CNTNAP2: variants seen among roughly 807,000 people sequenced by gnomAD.
CNTNAP2 encodes the protein contactin-associated protein-like 2.
CNTNAP2 carries 98 observed loss-of-function variants against 155.2 expected under a neutral mutation model. That is an observed-to-expected ratio of 0.63 (90% CI 0.54 to 0.75). The LOEUF (loss-of-function observed/expected upper bound fraction) is 0.75. Among genes scored for constraint, CNTNAP2 ranks in the 30% least tolerant of loss-of-function variants. The pLI, the probability that CNTNAP2 is intolerant of heterozygous loss-of-function variation, is 0.00. For missense variants in CNTNAP2, 1,727 were observed against 1,688.1 expected (o/e 1.02, Z -0.40); for synonymous variants, 651 against 631.2 (o/e 1.03, Z -0.47).
intron 13 of CNTNAP2, among the ~76,000 whole-genome samples, chr7:147,859,651 T>C (rs888098975): frequency 1.3e-5 from 2 of 152,130 alleles, no homozygotes; most frequent in African/African-American, 4.8e-5. Context: ...ATTATGGGAG[T>C]CCCTGTGGTA....
At chr7:148,089,855 C>G (rs190291779) in intron 15 of CNTNAP2, among the ~76,000 whole-genome samples, 1 of 151,820 alleles carries the variant, frequency 6.6e-6, no homozygotes, top group Admixed American at 6.6e-5. Context: ...AGAGAGATAT[C>G]ACATGACCTG....
intron 14 of CNTNAP2, among the ~76,000 whole-genome samples, chr7:147,913,303 A>T (rs1200868564): frequency 6.6e-6 from 1 of 152,206 alleles, no homozygotes; most frequent in Non-Finnish European, 1.5e-5. Context: ...TTCCATTTTA[A>T]TTCCTGCCCC....
At chr7:146,146,831 A>C (rs1167769827) in intron 1 of CNTNAP2, among the ~76,000 whole-genome samples, 1 of 152,182 alleles carries the variant, frequency 6.6e-6, no homozygotes, top group African/African-American at 2.4e-5. Context: ...ATCTTGTTAT[A>C]TGCACTGTAG....
In CNTNAP2 at chr7:148,331,568, G is replaced by GTGGATGGATGGAA. The variant is rs1424332339; in HGVS notation, c.3476-52050_3476-52038dup. Among the ~76,000 whole-genome samples the GTGGATGGATGGAA allele has an allele frequency of 7.2e-4, 5 of 6,960 alleles. 1 individual carries two copies. The highest frequency in any genetic ancestry group is 3.1e-3 in the African/African-American group (5 of 1,632). 4.6% of individuals were successfully genotyped at this position (6,960 alleles called of 152,430 possible). A position where few individuals can be genotyped will look rare whatever the true frequency, so the allele number is the denominator to read the frequency against. On this transcript the variant is annotated intron_variant, in intron 21 of 23. Coordinates refer to ENST00000361727, the MANE Select transcript of CNTNAP2 (RefSeq NM_014141.6). ...TGGATGGATGGAATGGACGGATGGA[G>GTGGATGGATGGAA]TGGATGGATGGAATGGATGGATGGA...
rs1433419897 is a variant in CNTNAP2 at position 146,461,419 on chromosome 7, T to A, written c.98-312852T>A. Reference sequence around the variant, plus strand: ...GACTCCGTCTCAAAAAAAAAAAATATAATAATAATAATAATAATACCTTAA... The same window carrying A: ...GACTCCGTCTCAAAAAAAAAAAATAAAATAATAATAATAATAATACCTTAA... On this transcript the variant is annotated intron_variant, in intron 1 of 23. Coordinates refer to ENST00000361727, the MANE Select transcript of CNTNAP2 (RefSeq NM_014141.6). 2.7e-5 allele frequency among the ~76,000 whole-genome samples: 4 copies of A among 145,842 alleles called. No individual in the cohort carries two copies. The East Asian group carries it at 8.1e-4, about 29-fold the overall frequency.
chr7:148,113,533 A>G (rs1804401582), intron 15 of CNTNAP2, among the ~76,000 whole-genome samples: 1 of 152,186 alleles, frequency 6.6e-6, no homozygotes, highest in African/African-American at 2.4e-5. Context: ...CCAAATAATC[A>G]CTGGTCGGAT....
chr7:148,196,248 A>C (rs1288358076), intron 18 of CNTNAP2, among the ~76,000 whole-genome samples: 1 of 152,210 alleles, frequency 6.6e-6, no homozygotes, highest in Non-Finnish European at 1.5e-5. Context: ...GACTGTCAAG[A>C]CTCAGCATGG....
At chr7:146,405,588 G>T (rs554619017) in intron 1 of CNTNAP2, among the ~76,000 whole-genome samples, 1 of 152,054 alleles carries the variant, frequency 6.6e-6, no homozygotes, top group African/African-American at 2.4e-5. Flanking sequence ...AGAATTATAC[G>T]TACAGAGAGA....
intron 13 of CNTNAP2, among the ~76,000 whole-genome samples, chr7:147,765,389 AT>A (rs1348044182): frequency 6.6e-6 from 1 of 152,188 alleles, no homozygotes; most frequent in South Asian, 2.1e-4. Flanking sequence ...TCAATTAATC[AT>A]TGGGCAAGAG....
intron 8 of CNTNAP2, among the ~76,000 whole-genome samples, chr7:147,139,071 A>G (rs1584750240): frequency 6.6e-6 from 1 of 152,056 alleles, no homozygotes; most frequent in African/African-American, 2.4e-5. Flanking sequence ...AAAATAATAT[A>G]TGCATGTAGT....
At position 146,940,694 on chromosome 7, in the gene CNTNAP2, T is replaced by TAC. The variant is rs1164645688; in HGVS notation, c.402+100791_402+100792insCA. 1.1e-3 allele frequency among the ~76,000 whole-genome samples: 142 copies of TAC among 125,800 alleles called. 1 individual carries two copies. The highest frequency in any genetic ancestry group is 3.1e-3 in the African/African-American group (113 of 36,398). The allele number at this position is 125,800 out of a possible 152,430, so 82.5% of individuals were successfully genotyped here. A position where few individuals can be genotyped will look rare whatever the true frequency, so the allele number is the denominator to read the frequency against. On this transcript the variant is annotated intron_variant, in intron 3 of 23. Transcript: ENST00000361727. ...CACATTAGTGTAGTAAATATATATA[T>TAC]ATACACACACACACACACACACAAT... is the stretch of plus-strand genomic sequence containing the variant.
At chr7:146,972,245 A>G (rs1212242579) in intron 3 of CNTNAP2, among the ~76,000 whole-genome samples, 1 of 152,204 alleles carries the variant, frequency 6.6e-6, no homozygotes, top group Non-Finnish European at 1.5e-5. Flanking sequence ...ACTAACCTTT[A>G]TTAATGTATA....
chr7:147,917,549 T>C (rs1263161344), intron 14 of CNTNAP2, among the ~76,000 whole-genome samples: 1 of 152,208 alleles, frequency 6.6e-6, no homozygotes, highest in African/African-American at 2.4e-5. Flanking sequence ...TGCCTTTTCC[T>C]TCCAAGAATG....
chr7:148,019,403 A>G (rs1045356685), intron 15 of CNTNAP2, among the ~76,000 whole-genome samples: 4 of 152,064 alleles, frequency 2.6e-5, no homozygotes, highest in Middle Eastern at 3.2e-3. Flanking sequence ...TATCTTATTG[A>G]TTCTTCAGTT....
At chr7:147,597,747 G>A (rs780942975) in intron 12 of CNTNAP2, among the ~76,000 whole-genome samples, 6 of 152,130 alleles carry the variant, frequency 3.9e-5, no homozygotes. Flanking sequence ...AAAGCACTTG[G>A]GGCTGGTTGC....
intron 1 of CNTNAP2, among the ~76,000 whole-genome samples, chr7:146,600,472 C>T (rs954359904): frequency 1.3e-5 from 2 of 151,896 alleles, no homozygotes; most frequent in East Asian, 1.9e-4. Flanking sequence ...CTTTCATTTC[C>T]GATGCATTTT....
chr7:147,876,430 C>T (rs1305380703), intron 13 of CNTNAP2, among the ~76,000 whole-genome samples: 1 of 152,064 alleles, frequency 6.6e-6, no homozygotes, highest in Non-Finnish European at 1.5e-5. Flanking sequence ...ATGGGAACTT[C>T]GATTTGTGTG....
intron 13 of CNTNAP2, among the ~76,000 whole-genome samples, chr7:147,711,893 C>A (rs1262838605): frequency 1.3e-5 from 2 of 152,152 alleles, no homozygotes; most frequent in African/African-American, 4.8e-5. Context: ...AGTGAAAATA[C>A]TGCTTTTTTA....
chr7:146,184,831 T>C (rs772156535), intron 1 of CNTNAP2, among the ~76,000 whole-genome samples: 7 of 152,308 alleles, frequency 4.6e-5, no homozygotes, highest in Non-Finnish European at 7.3e-5. Flanking sequence ...ATGTAAATAC[T>C]CCCTAATTGC....
Sources: gnomAD v4.1 joint callset for allele counts (sites outside exome capture counted in the v4.1 genomes callset) on GRCh38, gnomAD v4.1.1 for gene constraint, MANE v1.5 for transcripts, NCBI Gene and HGNC (gene_info 2026-07-23, HGNC 2026-07-21) for gene names.